The following KCNH7 variants were observed in gnomAD, a reference collection of about 807,000 sequenced individuals.
KCNH7 encodes voltage-gated inwardly rectifying potassium channel KCNH7.
In KCNH7, 49 loss-of-function variants were observed where a neutral mutation model predicts 120.8. That is an observed-to-expected ratio of 0.41 (90% CI 0.32 to 0.51). The LOEUF (loss-of-function observed/expected upper bound fraction) is 0.51. Among genes scored for constraint, KCNH7 ranks in the 20% least tolerant of loss-of-function variants. The probability of loss-of-function intolerance (pLI) is 0.38; values close to 1 mark genes in which losing one functional copy is unlikely to be tolerated. For missense variants in KCNH7, 1,097 were observed against 1,446.6 expected (o/e 0.76, Z 3.92); for synonymous variants, 547 against 516.1 (o/e 1.06, Z -0.81).
intron 2 of KCNH7, among the ~76,000 whole-genome samples, chr2:162,561,310 C>A (rs947751086): frequency 1.3e-5 from 2 of 151,986 alleles, no homozygotes; most frequent in Admixed American, 1.3e-4. Context: ...GCTGTTGTTG[C>A]TGAAAAGAAT....
intron 2 of KCNH7, among the ~76,000 whole-genome samples, chr2:162,825,587 AG>A (rs1307494864): frequency 2.0e-5 from 3 of 152,098 alleles, no homozygotes; most frequent in Admixed American, 1.3e-4. Context: ...CTATTTAGTA[AG>A]GAAAAAAGTA....
At chr2:162,607,606 A>G (rs1682825783) in intron 2 of KCNH7, among the ~76,000 whole-genome samples, 1 of 152,172 alleles carries the variant, frequency 6.6e-6, no homozygotes, top group African/African-American at 2.4e-5. Flanking sequence ...GTTTTGAAAA[A>G]AATTGTGAAT....
intron 2 of KCNH7, among the ~76,000 whole-genome samples, chr2:162,651,859 G>A (rs957653526): frequency 6.6e-6 from 1 of 152,126 alleles, no homozygotes; most frequent in African/African-American, 2.4e-5. Flanking sequence ...ATCCTCACCA[G>A]CATCTGCTAT....
chr2:162,660,004 G>T (rs1166965909), intron 2 of KCNH7, among the ~76,000 whole-genome samples: 1 of 151,914 alleles, frequency 6.6e-6, no homozygotes, highest in Non-Finnish European at 1.5e-5. Context: ...TTAATAATTT[G>T]TGTTTTCTGT....
intron 2 of KCNH7, among the ~76,000 whole-genome samples, chr2:162,820,033 C>CTT (rs66809770): frequency 0.042 from 3,195 of 76,892 alleles, 197 homozygotes; most frequent in African/African-American, 0.11. Flanking sequence ...ATTCCATAAA[C>CTT]TTTTTTTTTT....
rs113058351 is a variant in KCNH7 at position 162,706,717 on chromosome 2, GGGCA to G, written c.307+129816_307+129819del. Among the ~76,000 whole-genome samples, 1,513 of 152,130 alleles carry G rather than the reference GGGCA, an allele frequency of 9.9e-3. 22 individuals carry two copies. Among genetic ancestry groups the G allele is most frequent in the African/African-American group, 0.034 (1,412 of 41,514 alleles). On this transcript the variant is annotated intron_variant, in intron 2 of 15. Coordinates refer to ENST00000332142, the MANE Select transcript of KCNH7 (RefSeq NM_033272.4). The stretch of plus-strand genomic sequence containing the variant: ...TTGCCTCTAATTGCCTTCACCCACA[GGGCA>G]GTCATGGCACCACCTCTGAAATGCA...
intron 12 of KCNH7, among the ~76,000 whole-genome samples, chr2:162,388,920 AAGAGCTC>A (rs1356389359): frequency 6.6e-6 from 1 of 151,970 alleles, no homozygotes; most frequent in Non-Finnish European, 1.5e-5. Flanking sequence ...GTATATATCG[AAGAGCTC>A]ATTTTAATAA....
intron 9 of KCNH7, among the ~76,000 whole-genome samples, chr2:162,410,947 C>T (rs1207076150): frequency 1.3e-5 from 2 of 151,962 alleles, no homozygotes; most frequent in South Asian, 2.1e-4. Context: ...AATCTGAAAA[C>T]AATAGATATT....
chr2:162,403,855 A>G (rs1687132035), intron 9 of KCNH7, among the ~76,000 whole-genome samples: 1 of 152,004 alleles, frequency 6.6e-6, no homozygotes, highest in Admixed American at 6.6e-5. Flanking sequence ...GTCTAAGTAA[A>G]GAAACTTTAA....
chr2:162,401,398 G>A (rs2030643415), intron 9 of KCNH7, among the ~76,000 whole-genome samples: 1 of 151,842 alleles, frequency 6.6e-6, no homozygotes. Context: ...TTGAGGTGGA[G>A]GAATGGGGCA....
chr2:162,751,130 A>G (rs1688528042), intron 2 of KCNH7, among the ~76,000 whole-genome samples: 1 of 152,098 alleles, frequency 6.6e-6, no homozygotes, highest in South Asian at 2.1e-4. Context: ...AGATTTCTGG[A>G]TGTCTTGGGT....
intron 2 of KCNH7, among the ~76,000 whole-genome samples, chr2:162,714,215 TG>T (rs1158788752): frequency 6.6e-6 from 1 of 152,200 alleles, no homozygotes. Context: ...TAATAGTTTT[TG>T]TTGCCTCTGA....
chr2:162,512,584 A>G, intron 5 of KCNH7, 70 bp downstream of exon 5: 1 of 1,365,598 alleles, frequency 7.3e-7, no homozygotes, highest in Non-Finnish European at 1.0e-6. Flanking sequence ...GGCATACAGC[A>G]GGCAAGTTAA....
chr2:162,623,914 C>T (rs772632458), intron 2 of KCNH7, among the ~76,000 whole-genome samples: 22 of 152,056 alleles, frequency 1.4e-4, no homozygotes, highest in East Asian at 9.6e-4. Context: ...TGCAGTTAAC[C>T]GCACTCTGAA....
chr2:162,832,013 C>T (rs1448615475), intron 2 of KCNH7, among the ~76,000 whole-genome samples: 2 of 152,164 alleles, frequency 1.3e-5, no homozygotes, highest in East Asian at 3.9e-4. Context: ...TCAACAATTA[C>T]AACTGATCAA....
At chr2:162,423,120 C>T in intron 9 of KCNH7, 1 of 911,676 alleles carries the variant, frequency 1.1e-6, no homozygotes, top group Non-Finnish European at 1.6e-6. Context: ...CAGTTTGCAT[C>T]ATGTTATAAT....
At chr2:162,554,627 T>A (rs1692795181) in intron 2 of KCNH7, among the ~76,000 whole-genome samples, 2 of 152,132 alleles carry the variant, frequency 1.3e-5, no homozygotes, top group South Asian at 4.1e-4. Context: ...CATCTTTAAA[T>A]CTGTCTCTCT....
At chr2:162,630,787 C>T (rs1206440604) in intron 2 of KCNH7, among the ~76,000 whole-genome samples, 1 of 152,028 alleles carries the variant, frequency 6.6e-6, no homozygotes, top group Non-Finnish European at 1.5e-5. Flanking sequence ...AGAAAATAAC[C>T]TTTAAAAAAT....
At chr2:162,692,808 G>A (rs1419801796) in intron 2 of KCNH7, among the ~76,000 whole-genome samples, 1 of 152,036 alleles carries the variant, frequency 6.6e-6, no homozygotes, top group Non-Finnish European at 1.5e-5. Flanking sequence ...AAGCCACTTC[G>A]AAATAAATGA....
Sources: allele counts gnomAD v4.1 joint callset (sites outside exome capture counted in the v4.1 genomes callset), GRCh38; gene constraint gnomAD v4.1.1; transcripts MANE v1.5; gene names NCBI Gene and HGNC (gene_info 2026-07-23, HGNC 2026-07-21).